Variants in PDZRN3 observed in about 807,000 individuals in gnomAD.
PDZRN3 encodes PDZ domain containing ring finger 3.
PDZRN3 carries 38 observed loss-of-function variants against 85.7 expected under a neutral mutation model. The ratio of observed to expected loss-of-function variants is 0.44; its 90% CI spans 0.34 to 0.58. The LOEUF (loss-of-function observed/expected upper bound fraction) is 0.58, where lower values mean the gene tolerates loss of function less well. Among genes scored for constraint, PDZRN3 ranks in the 20% least tolerant of loss-of-function variants. The probability of loss-of-function intolerance (pLI) is 0.01; values close to 1 mark genes in which losing one functional copy is unlikely to be tolerated. For synonymous variants in PDZRN3, 759 were observed against 638.0 expected (o/e 1.19, Z -2.86); for missense variants, 1,629 against 1,506.4 (o/e 1.08, Z -1.35).
At chr3:73,519,985 C>T (rs930575768) in intron 3 of PDZRN3, among the ~76,000 whole-genome samples, 2 of 152,176 alleles carry the variant, frequency 1.3e-5, no homozygotes, top group Admixed American at 6.5e-5. Context: ...ATGAGAATGG[C>T]GTTCCTTGGG....
At chr3:73,420,119 T>C (rs918793519) in intron 3 of PDZRN3, among the ~76,000 whole-genome samples, 15 of 152,344 alleles carry the variant, frequency 9.8e-5, no homozygotes, top group African/African-American at 3.6e-4. Context: ...CACATTAAAG[T>C]ATTATCAGTG....
intron 3 of PDZRN3, among the ~76,000 whole-genome samples, chr3:73,457,200 G>T (rs915974594): frequency 6.6e-6 from 1 of 151,980 alleles, no homozygotes; most frequent in South Asian, 2.1e-4. Context: ...AGCCTTTCAA[G>T]TAGCTGGGAT....
chr3:73,419,715 G>T (rs540781960), intron 3 of PDZRN3, among the ~76,000 whole-genome samples: 44 of 152,246 alleles, frequency 2.9e-4, no homozygotes, highest in Admixed American at 2.6e-3. Context: ...GTTTTGCAGC[G>T]GTACCATCCG....
At chr3:73,609,703 G>C (rs1702654153) in intron 1 of PDZRN3, among the ~76,000 whole-genome samples, 2 of 152,100 alleles carry the variant, frequency 1.3e-5, no homozygotes, top group Non-Finnish European at 2.9e-5. Context: ...ACATAACACT[G>C]ACAGCTTATG....
At chr3:73,448,708 G>A (rs1702799596) in intron 3 of PDZRN3, among the ~76,000 whole-genome samples, 1 of 152,184 alleles carries the variant, frequency 6.6e-6, no homozygotes, top group Non-Finnish European at 1.5e-5. Context: ...GAATTGTTCA[G>A]ACATTGGGGT....
At chr3:73,549,435 A>C (rs902736637) in intron 3 of PDZRN3, among the ~76,000 whole-genome samples, 1 of 152,214 alleles carries the variant, frequency 6.6e-6, no homozygotes, top group East Asian at 1.9e-4. Flanking sequence ...CCAACCCTGC[A>C]AGCCCAAATC....
chr3:73,416,298 A>AAGCTAAAATACTTGACGT (rs1394290141), intron 3 of PDZRN3, among the ~76,000 whole-genome samples: 1 of 152,076 alleles, frequency 6.6e-6, no homozygotes, highest in Non-Finnish European at 1.5e-5. Flanking sequence ...ATTCTTTGTT[A>AAGCTAAAATACTTGACGT]AGCTAAAATA....
chr3:73,446,930 T>A (rs1247899768), intron 3 of PDZRN3, among the ~76,000 whole-genome samples: 2 of 151,740 alleles, frequency 1.3e-5, no homozygotes, highest in African/African-American at 4.8e-5. Flanking sequence ...TTCTCCCACT[T>A]CCCAGCTTGC....
At chr3:73,425,265 G>A (rs1354159532) in intron 3 of PDZRN3, among the ~76,000 whole-genome samples, 13 of 151,882 alleles carry the variant, frequency 8.6e-5, no homozygotes, top group Admixed American at 6.6e-4. Flanking sequence ...TGATCCACCC[G>A]CCTCAGCCTC....
intron 3 of PDZRN3, among the ~76,000 whole-genome samples, chr3:73,574,543 C>T (rs951282068): frequency 6.6e-6 from 1 of 152,080 alleles, no homozygotes; most frequent in Non-Finnish European, 1.5e-5. Context: ...ACTGCAACCT[C>T]CACCTCCCGT....
At chr3:73,478,527 A>G (rs1703501178) in intron 3 of PDZRN3, among the ~76,000 whole-genome samples, 1 of 151,392 alleles carries the variant, frequency 6.6e-6, no homozygotes, top group Admixed American at 6.6e-5. Flanking sequence ...TTCATTATAT[A>G]TTACAATGTA....
chr3:73,504,962 T>C (rs1008541233), intron 3 of PDZRN3, among the ~76,000 whole-genome samples: 2 of 152,204 alleles, frequency 1.3e-5, no homozygotes, highest in African/African-American at 4.8e-5. Flanking sequence ...TGTTTTCATA[T>C]GAATGTGCTT....
At chr3:73,457,572 C>T (rs1341276486) in intron 3 of PDZRN3, among the ~76,000 whole-genome samples, 2 of 152,096 alleles carry the variant, frequency 1.3e-5, no homozygotes, top group South Asian at 2.1e-4. Flanking sequence ...ACCTCTTCCT[C>T]GGTATCTGGC....
At chr3:73,559,650 C>T (rs1377066957) in intron 3 of PDZRN3, among the ~76,000 whole-genome samples, 5 of 152,072 alleles carry the variant, frequency 3.3e-5, no homozygotes. Flanking sequence ...ATACTTGTTT[C>T]CTATTTATGT....
intron 1 of PDZRN3, among the ~76,000 whole-genome samples, chr3:73,623,125 C>T (rs947075080): frequency 2.0e-5 from 3 of 152,182 alleles, no homozygotes; most frequent in African/African-American, 4.8e-5. Flanking sequence ...AAGGGGACCG[C>T]TCAGGTGGAG....
chr3:73,594,037 A>T (rs1055401948), intron 3 of PDZRN3: 4 of 152,206 alleles, frequency 2.6e-5, no homozygotes, highest in Middle Eastern at 3.2e-3. Flanking sequence ...TTTTATATTT[A>T]TCTGACTAGT....
At chr3:73,407,917 G>A (rs1250657676) in intron 3 of PDZRN3, 7 of 568,430 alleles carry the variant, frequency 1.2e-5, no homozygotes, top group Non-Finnish European at 2.2e-5. Context: ...ATACTGCCCA[G>A]GTTACAGAGG....
At chr3:73,490,372 A>C (rs1686116790) in intron 3 of PDZRN3, among the ~76,000 whole-genome samples, 1 of 152,230 alleles carries the variant, frequency 6.6e-6, no homozygotes, top group African/African-American at 2.4e-5. Flanking sequence ...TGCTCCTGTT[A>C]GGATTCTTAT....
chr3:73,467,806 T>C (rs1703250762), intron 3 of PDZRN3, among the ~76,000 whole-genome samples: 3 of 152,180 alleles, frequency 2.0e-5, no homozygotes, highest in African/African-American at 4.8e-5. Context: ...AATGTTTTCA[T>C]GGAAAATATA....
Sources: allele counts gnomAD v4.1 joint callset (sites outside exome capture counted in the v4.1 genomes callset), GRCh38; gene constraint gnomAD v4.1.1; transcripts MANE v1.5; gene names NCBI Gene and HGNC (gene_info 2026-07-23, HGNC 2026-07-21).